PDE3B: variants seen among roughly 807,000 people sequenced by gnomAD.
The protein encoded by PDE3B is phosphodiesterase 3B.
Under a neutral mutation model 116.8 loss-of-function variants are expected in PDE3B, and 66 were observed. The ratio of observed to expected loss-of-function variants is 0.56; its 90% CI spans 0.46 to 0.69. The LOEUF (loss-of-function observed/expected upper bound fraction) is 0.69. Ranked by LOEUF, PDE3B falls within the 30% of genes least tolerant of loss-of-function variation. The pLI is 0.00. For synonymous variants in PDE3B, 595 were observed against 533.6 expected (o/e 1.12, Z -1.59); for missense variants, 1,384 against 1,368.1 (o/e 1.01, Z -0.18).
chr11:14,817,327 C>A (rs943913601), intron 5 of PDE3B, among the ~76,000 whole-genome samples: 1 of 151,932 alleles, frequency 6.6e-6, no homozygotes. Context: ...AGGAGATATA[C>A]CTAATGTAAA....
intron 1 of PDE3B, among the ~76,000 whole-genome samples, chr11:14,647,809 A>T (rs905481807): frequency 4.6e-5 from 7 of 151,938 alleles, no homozygotes; most frequent in African/African-American, 1.4e-4. Context: ...AACTTTTGGG[A>T]TGTTATATTA....
At chr11:14,882,980 T>C in the PDE3B span, among the ~76,000 whole-genome samples, 2 of 152,102 alleles carry the variant, frequency 1.3e-5, no homozygotes, top group African/African-American at 4.8e-5. Flanking sequence ...TTACAAGGGA[T>C]GTGAAGGACC....
intron 1 of PDE3B, among the ~76,000 whole-genome samples, chr11:14,729,705 A>G (rs1666655305): frequency 6.6e-6 from 1 of 152,246 alleles, no homozygotes; most frequent in South Asian, 2.1e-4. Flanking sequence ...TACATAAAGT[A>G]TGATTAATCT....
At chr11:14,730,674 G>A (rs1476012980) in intron 1 of PDE3B, among the ~76,000 whole-genome samples, 1 of 152,160 alleles carries the variant, frequency 6.6e-6, no homozygotes, top group Non-Finnish European at 1.5e-5. Flanking sequence ...AGTGCTATTT[G>A]AGCATTATCA....
intron 1 of PDE3B, among the ~76,000 whole-genome samples, chr11:14,716,384 G>A (rs1855894136): frequency 1.3e-5 from 2 of 151,818 alleles, no homozygotes; most frequent in Admixed American, 1.3e-4. Context: ...GGTAAACAAA[G>A]CAGCCAGGAA....
At chr11:14,678,099 T>A (rs561204359) in intron 1 of PDE3B, among the ~76,000 whole-genome samples, 1 of 152,168 alleles carries the variant, frequency 6.6e-6, no homozygotes, top group South Asian at 2.1e-4. Context: ...TGGCTGATTT[T>A]TGTATTTTTA....
intron 1 of PDE3B, among the ~76,000 whole-genome samples, chr11:14,685,763 T>C (rs778205143): frequency 5.3e-5 from 8 of 152,126 alleles, no homozygotes; most frequent in Non-Finnish European, 1.0e-4. Context: ...GCCTCATCTT[T>C]CGTGAGTTAA....
chr11:14,677,444 T>A (rs1486836435), intron 1 of PDE3B, among the ~76,000 whole-genome samples: 1 of 152,238 alleles, frequency 6.6e-6, no homozygotes, highest in Non-Finnish European at 1.5e-5. Context: ...TATCTTTCTA[T>A]GTTTTAGATG....
chr11:14,836,694 A>G (rs1860067456), intron 11 of PDE3B, among the ~76,000 whole-genome samples: 1 of 152,262 alleles, frequency 6.6e-6, no homozygotes, highest in Non-Finnish European at 1.5e-5. Flanking sequence ...AAAAGGCTTC[A>G]CTGGAGTAAA....
intron 1 of PDE3B, among the ~76,000 whole-genome samples, chr11:14,709,769 T>C (rs1855646332): frequency 6.6e-6 from 1 of 152,224 alleles, no homozygotes; most frequent in Non-Finnish European, 1.5e-5. Flanking sequence ...GTCACAGTCT[T>C]CTTATGAGGG....
intron 1 of PDE3B, among the ~76,000 whole-genome samples, chr11:14,680,780 C>CAAA (rs5789847): frequency 7.0e-6 from 1 of 143,744 alleles, no homozygotes; most frequent in Non-Finnish European, 1.5e-5. Context: ...GAAATGACTT[C>CAAA]AAAAAAAAAA....
chr11:14,679,129 A>G (rs753047385), intron 1 of PDE3B, among the ~76,000 whole-genome samples: 1 of 152,014 alleles, frequency 6.6e-6, no homozygotes, highest in African/African-American at 2.4e-5. Flanking sequence ...CCCTCTGCCA[A>G]TACCACACTG....
rs529094459 is a variant in PDE3B, at chr11:14,670,815, CCTAA to C, written c.978+25766_978+25769del. Among the ~76,000 whole-genome samples the C allele has an allele frequency of 3.5e-3, 532 of 152,120 alleles. 2 individuals carry two copies. Among genetic ancestry groups the C allele is most frequent in the South Asian group, 0.015 (71 of 4,812 alleles). On this transcript the variant is annotated intron_variant, in intron 1 of 15. Coordinates refer to ENST00000282096, the MANE Select transcript of PDE3B (RefSeq NM_000922.4). ...TCTGTTCCTGTTGACAATTTCTGTT[CCTAA>C]CTACCTTCCAACAATCCAGCTTACA...
chr11:14,717,433 C>A, intron 1 of PDE3B, among the ~76,000 whole-genome samples: 1 of 60,350 alleles, frequency 1.7e-5, no homozygotes, highest in African/African-American at 7.3e-5. Flanking sequence ...CACAAAGATA[C>A]TCCTCGAGAA....
intron 1 of PDE3B, among the ~76,000 whole-genome samples, chr11:14,670,370 A>G (rs1270470136): frequency 6.6e-6 from 1 of 152,094 alleles, no homozygotes; most frequent in Non-Finnish European, 1.5e-5. Context: ...AATGTTACCT[A>G]TTTTTTGTTT....
At chr11:14,763,282 G>C (rs1253975040) in intron 1 of PDE3B, among the ~76,000 whole-genome samples, 1 of 152,004 alleles carries the variant, frequency 6.6e-6, no homozygotes, top group Non-Finnish European at 1.5e-5. Context: ...TGATGGATCA[G>C]AAGTATGAAG....
At chr11:14,725,198 C>T (rs956741338) in intron 1 of PDE3B, among the ~76,000 whole-genome samples, 1 of 152,170 alleles carries the variant, frequency 6.6e-6, no homozygotes, top group African/African-American at 2.4e-5. Context: ...TAGTAAATAG[C>T]ACCACCATTC....
chr11:14,754,876 T>A (rs982958637), intron 1 of PDE3B, among the ~76,000 whole-genome samples: 2 of 152,178 alleles, frequency 1.3e-5, no homozygotes, highest in African/African-American at 4.8e-5. Context: ...CTCCCCTTCT[T>A]CTCTTTCATG....
intron 1 of PDE3B, among the ~76,000 whole-genome samples, chr11:14,743,320 T>A (rs974899484): frequency 6.6e-6 from 1 of 152,174 alleles, no homozygotes; most frequent in African/African-American, 2.4e-5. Flanking sequence ...TGAAGTGGGC[T>A]CCACCCAGTT....
Sources: allele counts gnomAD v4.1 joint callset (sites outside exome capture counted in the v4.1 genomes callset), GRCh38; gene constraint gnomAD v4.1.1; transcripts MANE v1.5; gene names NCBI Gene and HGNC (gene_info 2026-07-23, HGNC 2026-07-21).